Variants in PSMD3 observed in about 807,000 individuals in gnomAD.
The protein encoded by PSMD3 is 26S proteasome non-ATPase regulatory subunit 3.
In PSMD3, 5 loss-of-function variants were observed where a neutral mutation model predicts 62.8. The observed-to-expected ratio is 0.08, with a 90% CI of 0.04 to 0.17. PSMD3 has a LOEUF of 0.17. Ranked by LOEUF, PSMD3 falls within the 10% of genes least tolerant of loss-of-function variation. The pLI, the probability that PSMD3 is intolerant of heterozygous loss-of-function variation, is 1.00. For synonymous variants in PSMD3, 265 were observed against 283.9 expected (o/e 0.93, Z 0.67); for missense variants, 524 against 713.6 (o/e 0.73, Z 3.03).
chr17:39,984,737 C>G (rs1980480394), intron 2 of PSMD3, among the ~76,000 whole-genome samples: 1 of 152,158 alleles, frequency 6.6e-6, no homozygotes, highest in African/African-American at 2.4e-5. Flanking sequence ...ACCTGTACCC[C>G]CTACTCCAGT....
Position 39,980,947 on chromosome 17 carries a change from G to C in PSMD3, c.-24G>C, listed in dbSNP as rs1980364517. ...CGCGAGGCCCCGGCCTCGGTCCCCG[G>C]ACTAGGCCGTGACCCCGGGTGCCAT... On this transcript the variant is annotated 5_prime_UTR_variant, in exon 1 of 12. Transcript: ENST00000264639. 1 of 1,508,444 alleles carries C rather than the reference G, an allele frequency of 6.6e-7. No homozygotes were observed. Among genetic ancestry groups the C allele is most frequent in the Non-Finnish European group, 8.8e-7 (1 of 1,132,104 alleles). The allele number at this position is 1,508,444 out of a possible 1,614,324, so 93.4% of individuals were successfully genotyped here. A position where few individuals can be genotyped will look rare whatever the true frequency, so the allele number is the denominator to read the frequency against.
intron 2 of PSMD3, 40 bp downstream of exon 2, chr17:39,984,524 C>T (rs1344226432): frequency 2.0e-6 from 3 of 1,520,066 alleles, no homozygotes; most frequent in South Asian, 2.4e-5. Context: ...CAGGCCTGGC[C>T]TCAGATCCCC....
intron 2 of PSMD3, 97 bp from the exon 3 acceptor site, chr17:39,986,478 C>A: frequency 7.0e-7 from 1 of 1,437,212 alleles, no homozygotes; most frequent in Non-Finnish European, 9.6e-7. Flanking sequence ...ATGGTAGACA[C>A]TCAATAAATA....
In PSMD3 at chr17:39,994,643, G is replaced by A. The variant is rs1420958667; in HGVS notation, c.982-311G>A. 13 of 359,472 alleles carry A rather than the reference G, an allele frequency of 3.6e-5. No individual in the cohort carries two copies. The Admixed American group carries it at 4.8e-4, about 13-fold the overall frequency. The allele number at this position is 359,472 out of a possible 1,614,324, so 22.3% of individuals were successfully genotyped here. A position where few individuals can be genotyped will look rare whatever the true frequency, so the allele number is the denominator to read the frequency against. On this transcript the variant is annotated intron_variant, in intron 6 of 11. Coordinates refer to ENST00000264639, the MANE Select transcript of PSMD3 (RefSeq NM_002809.4). ...TCGCTGTTGCTGAGCCACAGCACCC[G>A]CCCTTCTGGCCTCACTTTAGAGCAC...
At chr17:39,985,187 C>T (rs1349715512) in intron 2 of PSMD3, among the ~76,000 whole-genome samples, 2 of 152,088 alleles carry the variant, frequency 1.3e-5, no homozygotes, top group African/African-American at 4.8e-5. Context: ...AAGATTGCAC[C>T]ACTGCACTCT....
At chr17:39,984,116 T>C (rs1010243893) in intron 1 of PSMD3, among the ~76,000 whole-genome samples, 178 bp from the exon 2 acceptor site, 6 of 143,800 alleles carry the variant, frequency 4.2e-5, no homozygotes, top group African/African-American at 1.0e-4. Flanking sequence ...AGGAGAATGG[T>C]GTGAACCCAG....
chr17:39,995,347 C>A lies in PSMD3; in HGVS notation c.1216+52C>A. On this transcript the variant is annotated intron_variant, in intron 8 of 11. Coordinates refer to ENST00000264639, the MANE Select transcript of PSMD3 (RefSeq NM_002809.4). The surrounding 1 kb of genome is among the most constrained non-coding windows in gnomAD (Gnocchi z 4.1). ...TGGAGGAGCAGAAGCCAGGCCAGGG[C>A]AAACCTAGTGGGTATCCTTGGGCAA... is the stretch of plus-strand genomic sequence containing the variant. 2 of 1,613,946 alleles carry A rather than the reference C, an allele frequency of 1.2e-6. No individual in the cohort carries two copies. The highest frequency in any genetic ancestry group is 1.7e-6 in the Non-Finnish European group (2 of 1,179,862).
rs756075461 is a variant in PSMD3 at position 39,990,148 on chromosome 17, A to G, written c.932A>G (p.Asn311Ser). The G allele has an allele frequency of 3.1e-6, 5 of 1,613,400 alleles. No individual in the cohort carries two copies. The highest frequency in any genetic ancestry group is 2.7e-5 in the African/African-American group (2 of 74,700). Reference protein sequence around the residue: ...EYSEARRTMTNALRKAPQHTA... With the variant: ...EYSEARRTMTSALRKAPQHTA... ...TCAGAGGCCCGGAGAACGATGACCA[A>G]CGCCCTTCGCAAGGCCCCTCAGCAC... Residue 311 changes from asparagine to serine, a missense_variant, in exon 6 of 12, where the codon AAC becomes AGC. Asn to Ser is a conservative substitution (Grantham distance 46). Coordinates refer to ENST00000264639, the MANE Select transcript of PSMD3 (RefSeq NM_002809.4).
At chr17:39,990,059 C>T (rs370483690) in intron 5 of PSMD3, 35 bp from the exon 6 acceptor site, 11 of 1,606,864 alleles carry the variant, frequency 6.8e-6, no homozygotes, top group African/African-American at 4.0e-5. Context: ...GATGACCCTA[C>T]TCTGTTGACC....
chr17:39,983,994 T>C (rs947548575), intron 1 of PSMD3, among the ~76,000 whole-genome samples: 2 of 151,886 alleles, frequency 1.3e-5, no homozygotes, highest in African/African-American at 4.8e-5. Flanking sequence ...GGTCAGGAGA[T>C]CGAGACCATC....
At position 39,984,281 on chromosome 17, in the gene PSMD3, T is replaced by G. The variant is rs759853809; in HGVS notation, c.221-13T>G. The G allele has an allele frequency of 1.2e-6, 2 of 1,603,506 alleles. No homozygotes were observed. Among genetic ancestry groups the G allele is most frequent in the Non-Finnish European group, 1.7e-6 (2 of 1,173,880 alleles). On this transcript the variant is annotated splice_polypyrimidine_tract_variant and intron_variant, in intron 1 of 11. Coordinates refer to ENST00000264639, the MANE Select transcript of PSMD3 (RefSeq NM_002809.4). ...GTGAAAGTGACATCATTTTCTTCTC[T>G]GCTCTTCTTCAGACATCAAGGAGCA...
chr17:39,981,843 C>T (rs1016705109), intron 1 of PSMD3, among the ~76,000 whole-genome samples: 3 of 109,912 alleles, frequency 2.7e-5, no homozygotes, highest in Admixed American at 9.0e-5. Context: ...TTTTGTAATA[C>T]TCAACCTTTG....
At chr17:39,982,124 A>C (rs1980401736) in intron 1 of PSMD3, among the ~76,000 whole-genome samples, 1 of 152,210 alleles carries the variant, frequency 6.6e-6, no homozygotes, top group Non-Finnish European at 1.5e-5. Flanking sequence ...AGATAAGCAA[A>C]GTTATCCTCC....
At chr17:39,984,090 C>T (rs1980458562) in intron 1 of PSMD3, among the ~76,000 whole-genome samples, 1 of 151,724 alleles carries the variant, frequency 6.6e-6, no homozygotes, top group South Asian at 2.1e-4. Context: ...GTCCCAGCTA[C>T]TCGGGAGGCT....
At position 39,995,006 on chromosome 17, in the gene PSMD3, G is replaced by A. The variant is rs760468901; in HGVS notation, c.1034G>A (p.Arg345Gln). Residue 345 changes from arginine to glutamine, a missense_variant, in exon 7 of 12, where the codon CGG becomes CAG. Physicochemically the swap from Arg to Gln is conservative, Grantham distance 43 (BLOSUM62 1). This residue lies in a region of PSMD3 where 396 missense variants were observed against 475.8 expected (regional missense o/e 0.83). Coordinates refer to ENST00000264639, the MANE Select transcript of PSMD3 (RefSeq NM_002809.4). This position sits in a 1 kb window ranked among gnomAD's most constrained non-coding sequence, Gnocchi z 4.1. ...VELLLGEIPD[R>Q]LQFRQPSLKR... ...CTGTTGCTGGGGGAGATCCCTGACC[G>A]GCTGCAGTTCCGCCAGCCCTCCCTC... 2 of 1,613,966 alleles carry A rather than the reference G, an allele frequency of 1.2e-6. No individual in the cohort carries two copies. Among genetic ancestry groups the A allele is most frequent in the Non-Finnish European group, 1.7e-6 (2 of 1,180,040 alleles).
At chr17:39,985,775 A>G (rs189806918) in intron 2 of PSMD3, among the ~76,000 whole-genome samples, 2 of 152,322 alleles carry the variant, frequency 1.3e-5, no homozygotes, top group South Asian at 2.1e-4. Flanking sequence ...ACTGTAACAC[A>G]TTATTTTTTC....
rs1182273421 is a variant in PSMD3, at chr17:39,995,301, G to A, written c.1216+6G>A. The A allele has an allele frequency of 1.2e-6, 2 of 1,614,154 alleles. No homozygotes were observed. The highest frequency in any genetic ancestry group is 1.7e-6 in the Non-Finnish European group (2 of 1,180,042). ...GCACAACGTGATTAAGACAGGTGTG[G>A]ATCAGGATCTGAGGGGCTGTTGGAG... On this transcript the variant is annotated splice_donor_region_variant and intron_variant, in intron 8 of 11. Transcript: ENST00000264639. This position sits in a 1 kb window ranked among gnomAD's most constrained non-coding sequence, Gnocchi z 4.1.
At chr17:39,997,206 GGA>G in intron 10 of PSMD3, 122 bp from the exon 11 acceptor site, 1 of 857,882 alleles carries the variant, frequency 1.2e-6, no homozygotes, top group Admixed American at 1.8e-5. Context: ...TAGACTAACT[GGA>G]GAGGGGCCCG....
chr17:39,986,512 C>G, intron 2 of PSMD3, 63 bp from the exon 3 acceptor site: 1 of 1,578,254 alleles, frequency 6.3e-7, no homozygotes, highest in South Asian at 1.1e-5. Flanking sequence ...AGTGGATGCT[C>G]AATAAATTCT....
Sources: allele counts gnomAD v4.1 joint callset (sites outside exome capture counted in the v4.1 genomes callset), GRCh38; gene constraint gnomAD v4.1.1; regional missense constraint gnomAD v4.1.1; non-coding constraint Gnocchi (gnomAD v3.1); transcripts MANE v1.5; gene names NCBI Gene and HGNC (gene_info 2026-07-23, HGNC 2026-07-21).